POU6F2: variants seen among roughly 807,000 people sequenced by gnomAD.
POU6F2 encodes the protein POU domain, class 6, transcription factor 2.
A neutral mutation model predicts 71.3 loss-of-function variants in POU6F2; 31 were observed. The ratio of observed to expected loss-of-function variants is 0.43; its 90% confidence interval spans 0.33 to 0.59. The LOEUF (loss-of-function observed/expected upper bound fraction) is 0.59. POU6F2 is among the 20% of genes least tolerant of loss of function. The pLI is 0.04. For synonymous variants in POU6F2, 347 were observed against 355.7 expected (o/e 0.98, Z 0.27); for missense variants, 783 against 856.8 (o/e 0.91, Z 1.07).
At chr7:39,019,448 C>T (rs571935862) in intron 1 of POU6F2, among the ~76,000 whole-genome samples, 14 of 152,146 alleles carry the variant, frequency 9.2e-5, no homozygotes, top group Non-Finnish European at 1.2e-4. Context: ...CTGCTCAACG[C>T]CATATGGAAT....
Position 39,207,469 on chromosome 7 carries a change from A to G in POU6F2, c.447A>G (p.Pro149=). The change falls in exon 4 of 10, where the codon CCA becomes CCG. Residue 149 remains proline, a synonymous_variant. Coordinates refer to ENST00000518318, the MANE Select transcript of POU6F2 (RefSeq NM_001370959.1). ...GAGGCCCCCCAGCCCTCAACCAGCC[A>G]ATCCTCATTCCCTTCAACATGGCGG... ...MPGGPPALNQ[P]ILIPFNMAGQ... 1 of 1,614,032 alleles carries G rather than the reference A, an allele frequency of 6.2e-7. No homozygotes were observed. Among genetic ancestry groups the G allele is most frequent in the Non-Finnish European group, 8.5e-7 (1 of 1,179,890 alleles).
At chr7:39,030,543 T>TATATATGTGTATAC (rs1491146903) in intron 1 of POU6F2, among the ~76,000 whole-genome samples, 1 of 88,018 alleles carries the variant, frequency 1.1e-5, no homozygotes, top group African/African-American at 3.9e-5. Context: ...TATATATATA[T>TATATATGTGTATAC]ACACACACAT....
intron 2 of POU6F2, among the ~76,000 whole-genome samples, chr7:39,148,663 C>A (rs1792674371): frequency 6.6e-6 from 1 of 151,600 alleles, no homozygotes; most frequent in Non-Finnish European, 1.5e-5. Flanking sequence ...GCTAAATGAG[C>A]TGATGTTCAT....
At chr7:39,227,504 A>G (rs944388873) in intron 4 of POU6F2, among the ~76,000 whole-genome samples, 1 of 149,688 alleles carries the variant, frequency 6.7e-6, no homozygotes, top group African/African-American at 2.5e-5. Flanking sequence ...AGGCCCCTTC[A>G]TGGAGTTCTG....
intron 4 of POU6F2, among the ~76,000 whole-genome samples, chr7:39,336,129 A>G (rs75408510): frequency 0.012 from 1,755 of 152,370 alleles, 44 homozygotes; most frequent in African/African-American, 0.039. Flanking sequence ...TACACATAAC[A>G]TACAACTTGC....
intron 5 of POU6F2, among the ~76,000 whole-genome samples, chr7:39,367,305 A>G (rs904831788): frequency 1.3e-5 from 2 of 152,210 alleles, no homozygotes; most frequent in South Asian, 2.1e-4. Context: ...CATTTGTCCG[A>G]TAGCCACCAC....
chr7:39,317,237 A>G (rs910560404), intron 4 of POU6F2, among the ~76,000 whole-genome samples: 6 of 152,224 alleles, frequency 3.9e-5, no homozygotes, highest in African/African-American at 7.2e-5. Context: ...GCTCAGTGGC[A>G]TGTAAAACTG....
intron 7 of POU6F2, among the ~76,000 whole-genome samples, chr7:39,445,131 A>G (rs1788493975): frequency 6.6e-6 from 1 of 152,182 alleles, no homozygotes; most frequent in Non-Finnish European, 1.5e-5. Flanking sequence ...ATCAACATCC[A>G]TCATTATTTT....
At chr7:39,325,347 C>G (rs1045334085) in intron 4 of POU6F2, among the ~76,000 whole-genome samples, 15 of 152,164 alleles carry the variant, frequency 9.9e-5, no homozygotes, top group Non-Finnish European at 1.8e-4. Context: ...TTCTTAAAAA[C>G]TAAGCAAGAG....
chr7:39,115,733 T>A (rs1423671572), intron 2 of POU6F2, among the ~76,000 whole-genome samples: 1 of 152,158 alleles, frequency 6.6e-6, no homozygotes, highest in Non-Finnish European at 1.5e-5. Flanking sequence ...AGGCCTGGTA[T>A]GTTTGTTTTT....
At chr7:39,305,175 A>C (rs1785026686) in intron 4 of POU6F2, among the ~76,000 whole-genome samples, 1 of 152,252 alleles carries the variant, frequency 6.6e-6, no homozygotes, top group Admixed American at 6.5e-5. Flanking sequence ...CTTTAGAAAC[A>C]TGATTTCATT....
intron 1 of POU6F2, among the ~76,000 whole-genome samples, chr7:39,029,849 GA>G (rs1363567167): frequency 6.6e-6 from 1 of 151,888 alleles, no homozygotes; most frequent in Non-Finnish European, 1.5e-5. Context: ...TTATAGATTT[GA>G]AAATATTAAG....
chr7:39,156,181 G>T (rs558823518), intron 2 of POU6F2, among the ~76,000 whole-genome samples: 1 of 152,262 alleles, frequency 6.6e-6, no homozygotes, highest in South Asian at 2.1e-4. Flanking sequence ...AACAATGAAG[G>T]AATGTTTATG....
At position 39,295,387 on chromosome 7, in the gene POU6F2, G is replaced by A. The variant is rs186151992; in HGVS notation, c.599-44255G>A. On this transcript the variant is annotated intron_variant, in intron 4 of 9. Transcript: ENST00000518318. ...TCCCAGTACTTTGATAGGCCGAGGC[G>A]GGCAGATCACTTGAGGTCAGGAGTT... 3.0e-4 allele frequency among the ~76,000 whole-genome samples: 46 copies of A among 152,278 alleles called. No homozygotes were observed. In the East Asian group the frequency reaches 8.3e-3, roughly 27 times the overall value.
chr7:39,237,938 C>T (rs1214673651), intron 4 of POU6F2, among the ~76,000 whole-genome samples: 1 of 152,082 alleles, frequency 6.6e-6, no homozygotes, highest in Non-Finnish European at 1.5e-5. Context: ...TTCTCCATTT[C>T]TCGTGTTGAT....
intron 2 of POU6F2, among the ~76,000 whole-genome samples, chr7:39,184,745 A>C (rs1350982997): frequency 6.6e-6 from 1 of 152,144 alleles, no homozygotes; most frequent in Non-Finnish European, 1.5e-5. Context: ...ACATAAATAT[A>C]TGTGAAATAT....
rs772297183 is a variant in POU6F2 at position 39,460,752 on chromosome 7, G to A, written c.1658+37G>A. The A allele has an allele frequency of 3.7e-5, 56 of 1,522,466 alleles. No individual in the cohort carries two copies. The highest frequency in any genetic ancestry group is 4.4e-5 in the Non-Finnish European group (50 of 1,134,496). 94.3% of individuals were successfully genotyped at this position (1,522,466 alleles called of 1,614,324 possible). A position where few individuals can be genotyped will look rare whatever the true frequency, so the allele number is the denominator to read the frequency against. ...CTGCATGCTGTCACCTCTTCTAGCC[G>A]CCCTGGGCCTCATTTGTCCTCGCGG... is the stretch of plus-strand genomic sequence containing the variant. On this transcript the variant is annotated intron_variant, in intron 9 of 9. Transcript: ENST00000518318. This position sits in a 1 kb window ranked among gnomAD's most constrained non-coding sequence, Gnocchi z 4.4.
At chr7:39,206,324 G>A (rs1221134442) in intron 3 of POU6F2, among the ~76,000 whole-genome samples, 4 of 152,170 alleles carry the variant, frequency 2.6e-5, no homozygotes, top group Non-Finnish European at 5.9e-5. Context: ...AAGAGCCCAC[G>A]TGCTGCACTC....
rs760373325 is a variant in POU6F2 at position 39,433,198 on chromosome 7, T to G, written c.1235T>G (p.Ile412Ser). ...PQLLTNAQGQ[I>S]IATVIGNQIL... ...CTCCTCACAAACGCCCAGGGCCAGA[T>G]CATCGCCACAGTCATTGGGAACCAG... Residue 412 changes from isoleucine to serine, a missense_variant, in exon 7 of 10, where the codon ATC becomes AGC. Ile to Ser is a moderately radical substitution (Grantham distance 142, BLOSUM62 -2). Coordinates refer to ENST00000518318, the MANE Select transcript of POU6F2 (RefSeq NM_001370959.1). The G allele has an allele frequency of 1.6e-5, 26 of 1,613,742 alleles. No homozygotes were observed. In the Admixed American group the frequency reaches 4.2e-4, roughly 26 times the overall value.
Sources: allele counts gnomAD v4.1 joint callset (sites outside exome capture counted in the v4.1 genomes callset), GRCh38; gene constraint gnomAD v4.1.1; non-coding constraint Gnocchi (gnomAD v3.1); transcripts MANE v1.5; gene names NCBI Gene and HGNC (gene_info 2026-07-23, HGNC 2026-07-21).